OSBPL10: variants seen among roughly 807,000 people sequenced by gnomAD.
The protein encoded by OSBPL10 is oxysterol-binding protein-related protein 10.
Under a neutral mutation model 81.7 loss-of-function variants are expected in OSBPL10, and 49 were observed. The ratio of observed to expected loss-of-function variants is 0.60; its 90% CI spans 0.48 to 0.76. The LOEUF (loss-of-function observed/expected upper bound fraction) is 0.76. OSBPL10 is among the 30% of genes least tolerant of loss of function. The pLI is 0.00. For synonymous variants in OSBPL10, 419 were observed against 383.6 expected (o/e 1.09, Z -1.08); for missense variants, 923 against 987.8 (o/e 0.93, Z 0.88).
At chr3:31,686,867 G>C (rs577059091) in intron 7 of OSBPL10, among the ~76,000 whole-genome samples, 2 of 152,294 alleles carry the variant, frequency 1.3e-5, no homozygotes, top group Admixed American at 1.3e-4. Flanking sequence ...ACTGGGGTCA[G>C]GCTGCTGTGT....
intron 8 of OSBPL10, among the ~76,000 whole-genome samples, chr3:31,676,287 TA>T (rs893254871): frequency 1.5e-4 from 23 of 150,194 alleles, no homozygotes; most frequent in African/African-American, 3.7e-4. Context: ...GGGTTGCATT[TA>T]AAAAAAAATC....
At chr3:31,926,832 G>A (rs188852002) in intron 1 of OSBPL10, among the ~76,000 whole-genome samples, 2 of 152,256 alleles carry the variant, frequency 1.3e-5, no homozygotes, top group East Asian at 1.9e-4. Flanking sequence ...AAAGTAGGCC[G>A]GGCATGGTGG....
chr3:32,033,360 G>A (rs570077819), intron 2 of OSBPL10, among the ~76,000 whole-genome samples: 18 of 152,168 alleles, frequency 1.2e-4, no homozygotes, highest in African/African-American at 2.2e-4. Flanking sequence ...GACAAACCAC[G>A]GATGCCAGTC....
chr3:31,933,365 T>C (rs755917037), intron 1 of OSBPL10, among the ~76,000 whole-genome samples: 1 of 152,174 alleles, frequency 6.6e-6, no homozygotes, highest in African/African-American at 2.4e-5. Flanking sequence ...TTCTAGAGAT[T>C]TGAAGTATAC....
At chr3:31,800,966 C>A (rs952782429) in intron 4 of OSBPL10, among the ~76,000 whole-genome samples, 1 of 151,286 alleles carries the variant, frequency 6.6e-6, no homozygotes, top group Non-Finnish European at 1.5e-5. Flanking sequence ...TAATCCTTTA[C>A]GATCCCCTTG....
At chr3:32,014,530 T>C (rs4955221) in intron 2 of OSBPL10, among the ~76,000 whole-genome samples, 63,887 of 151,960 alleles carry the variant, frequency 0.42, 16,337 homozygotes, top group Non-Finnish European at 0.59. Flanking sequence ...CTTTGAAAAC[T>C]GGCACAAGAC....
At chr3:31,743,299 A>G (rs1356548256) in intron 5 of OSBPL10, among the ~76,000 whole-genome samples, 2 of 152,098 alleles carry the variant, frequency 1.3e-5, no homozygotes, top group African/African-American at 2.4e-5. Flanking sequence ...CCGGCCTCCC[A>G]AAGTGCTGAG....
chr3:31,872,325 C>G (rs1005676386), intron 3 of OSBPL10, among the ~76,000 whole-genome samples: 1 of 152,198 alleles, frequency 6.6e-6, no homozygotes, highest in African/African-American at 2.4e-5. Context: ...AAGCAGGAGA[C>G]CCAGGTTCCA....
intron 4 of OSBPL10, among the ~76,000 whole-genome samples, chr3:31,812,818 G>GAGAAAGAAAGAA (rs745663706): frequency 2.7e-4 from 7 of 25,882 alleles, no homozygotes; most frequent in South Asian, 2.0e-3. Context: ...AAGAAAGAAA[G>GAGAAAGAAAGAA]AGAAAGAAAG....
chr3:31,735,628 G>C (rs1439946615), intron 5 of OSBPL10, among the ~76,000 whole-genome samples: 3 of 152,166 alleles, frequency 2.0e-5, no homozygotes, highest in Non-Finnish European at 4.4e-5. Flanking sequence ...GACAGTCTTA[G>C]AGTGTTTGTG....
At chr3:31,682,102 A>T (rs547023047) in intron 8 of OSBPL10, among the ~76,000 whole-genome samples, 1 of 152,230 alleles carries the variant, frequency 6.6e-6, no homozygotes, top group African/African-American at 2.4e-5. Context: ...CCAGATCCTT[A>T]CTACTCCACT....
chr3:31,823,052 C>T (rs748912716), intron 4 of OSBPL10, among the ~76,000 whole-genome samples: 4 of 151,538 alleles, frequency 2.6e-5, no homozygotes, highest in Non-Finnish European at 5.9e-5. Flanking sequence ...TAAAACAATT[C>T]AAGTGGCACA....
At chr3:31,765,975 G>A (rs1342640685) in intron 4 of OSBPL10, among the ~76,000 whole-genome samples, 2 of 152,038 alleles carry the variant, frequency 1.3e-5, no homozygotes, top group African/African-American at 4.8e-5. Context: ...TTCCTTCAGA[G>A]ATATGGCCGT....
chr3:32,030,150 C>A, intron 2 of OSBPL10: 1 of 204,720 alleles, frequency 4.9e-6, no homozygotes, highest in Non-Finnish European at 1.0e-5. Context: ...AAAAATTTTA[C>A]TGCTTCCTTT....
At chr3:31,805,169 C>T (rs574184963) in intron 4 of OSBPL10, among the ~76,000 whole-genome samples, 5 of 152,112 alleles carry the variant, frequency 3.3e-5, no homozygotes, top group Admixed American at 2.0e-4. Context: ...AGCTTTTTCA[C>T]GGAAGGTATT....
intron 4 of OSBPL10, among the ~76,000 whole-genome samples, chr3:31,784,788 G>C (rs1458344735): frequency 6.6e-6 from 1 of 150,376 alleles, no homozygotes; most frequent in Non-Finnish European, 1.5e-5. Context: ...CCACCACGTT[G>C]GCCAGGCTGG....
At position 31,670,827 on chromosome 3, in the gene OSBPL10, G is replaced by T; in HGVS notation, c.1883C>A (p.Thr628Lys). Residue 628 changes from threonine (T) to lysine (K), a missense_variant, in exon 9 of 12, where the codon ACG (threonine) becomes AAG (lysine). Physicochemically the swap from Thr to Lys is moderately conservative, Grantham distance 78 (BLOSUM62 -1). Coordinates refer to ENST00000396556, the MANE Select transcript of OSBPL10 (RefSeq NM_017784.5). ...TGYSATVIFHTKPFYGGKVHR... is the reference protein window; with the variant it reads ...TGYSATVIFHKKPFYGGKVHR... ...GACTTTCCCTCCATAGAAAGGCTTC[G>T]TGTGGAATATCACTGTCGCTGAGTA... The T allele has an allele frequency of 6.2e-7, 1 of 1,614,074 alleles. No individual in the cohort carries two copies. The highest frequency in any genetic ancestry group is 1.1e-5 in the South Asian group (1 of 91,064).
At chr3:31,669,910 T>G (rs1700282368) in intron 9 of OSBPL10, among the ~76,000 whole-genome samples, 1 of 152,228 alleles carries the variant, frequency 6.6e-6, no homozygotes, top group Admixed American at 6.5e-5. Context: ...CAGGCAGGTA[T>G]GAGGCATCTT....
chr3:31,886,054 G>T (rs947275531), intron 1 of OSBPL10, among the ~76,000 whole-genome samples: 1 of 150,728 alleles, frequency 6.6e-6, no homozygotes, highest in Admixed American at 6.6e-5. Flanking sequence ...GGGGGTGGGG[G>T]GCTGCAGTGG....
Sources: allele counts gnomAD v4.1 joint callset (sites outside exome capture counted in the v4.1 genomes callset), GRCh38; gene constraint gnomAD v4.1.1; transcripts MANE v1.5; gene names NCBI Gene and HGNC (gene_info 2026-07-23, HGNC 2026-07-21).